The following RBMS3 variants were observed in gnomAD, a reference collection of about 807,000 sequenced individuals.
RBMS3 encodes RNA binding motif single stranded interacting protein 3.
RBMS3 carries 27 observed loss-of-function variants against 66.8 expected under a neutral mutation model. The observed-to-expected ratio is 0.40, with a 90% confidence interval of 0.30 to 0.56. The LOEUF is 0.56. RBMS3 is among the 20% of genes least tolerant of loss of function. RBMS3 has a pLI of 0.40. For synonymous variants in RBMS3, 188 were observed against 183.0 expected (o/e 1.03, Z -0.22); for missense variants, 513 against 549.5 (o/e 0.93, Z 0.66).
chr3:29,338,760 T>G (rs996591046), intron 1 of RBMS3, among the ~76,000 whole-genome samples: 5 of 148,980 alleles, frequency 3.4e-5, no homozygotes, highest in African/African-American at 7.3e-5. Context: ...ATAAATAATT[T>G]GTTATTATTA....
intron 1 of RBMS3, 77 bp from the exon 2 acceptor site, chr3:29,434,666 T>A (rs2041329906): frequency 6.5e-6 from 10 of 1,543,818 alleles, no homozygotes; most frequent in Middle Eastern, 1.8e-4. Context: ...TAGCTTACAT[T>A]GATTTCAAGT....
chr3:29,709,871 C>A (rs2053084814), intron 4 of RBMS3, among the ~76,000 whole-genome samples: 2 of 151,970 alleles, frequency 1.3e-5, no homozygotes, highest in Admixed American at 6.6e-5. Flanking sequence ...CGTTATCTTG[C>A]ACAAAAGTCT....
At chr3:29,896,623 T>G (rs931578402) in intron 8 of RBMS3, among the ~76,000 whole-genome samples, 1 of 151,536 alleles carries the variant, frequency 6.6e-6, no homozygotes, top group Non-Finnish European at 1.5e-5. Flanking sequence ...TACAGTATAG[T>G]CTGAGCAGAA....
chr3:29,970,958 C>T (rs945386458), intron 12 of RBMS3, among the ~76,000 whole-genome samples: 2 of 152,112 alleles, frequency 1.3e-5, no homozygotes, highest in African/African-American at 4.8e-5. Flanking sequence ...TCATGGGCTC[C>T]TCTCTCCTCC....
intron 4 of RBMS3, among the ~76,000 whole-genome samples, chr3:29,649,450 A>G (rs2050064376): frequency 6.6e-6 from 1 of 152,154 alleles, no homozygotes; most frequent in African/African-American, 2.4e-5. Context: ...TAAATTTTTC[A>G]CTAACAAGGC....
chr3:29,759,721 C>T (rs533398825), intron 5 of RBMS3, among the ~76,000 whole-genome samples: 3 of 149,834 alleles, frequency 2.0e-5, no homozygotes. Flanking sequence ...CCTCCCCCCC[C>T]AGAGCTTTCT....
chr3:29,608,435 AT>A (rs1450022383), intron 4 of RBMS3, among the ~76,000 whole-genome samples: 1 of 152,004 alleles, frequency 6.6e-6, no homozygotes, highest in African/African-American at 2.4e-5. Flanking sequence ...TCTTAGTTTC[AT>A]TGTGATATAA....
intron 12 of RBMS3, among the ~76,000 whole-genome samples, chr3:29,973,480 G>GT (rs1233471025): frequency 6.6e-6 from 1 of 151,842 alleles, no homozygotes; most frequent in South Asian, 2.1e-4. Context: ...AACTCAACCA[G>GT]TTTTTTCTGG....
At chr3:29,840,955 G>A (rs1392574035) in intron 6 of RBMS3, among the ~76,000 whole-genome samples, 1 of 151,870 alleles carries the variant, frequency 6.6e-6, no homozygotes, top group Admixed American at 6.6e-5. Context: ...TTCTGTAAAT[G>A]TTTAATTTCA....
In RBMS3 at chr3:29,884,375, A is replaced by G. The variant is rs17029827; in HGVS notation, c.791+167A>G. On this transcript the variant is annotated intron_variant, in intron 8 of 14. Transcript: ENST00000383767. Reference sequence around the variant, plus strand: ...TATAGTTTTTTTCATCCTATAAATTATTCTGACCTCCCATTCTCACAATGC... The same window carrying G: ...TATAGTTTTTTTCATCCTATAAATTGTTCTGACCTCCCATTCTCACAATGC... The G allele has an allele frequency of 8.3e-3, 4,435 of 535,014 alleles. 153 individuals are homozygous for G. The highest frequency in any genetic ancestry group is 0.082 in the African/African-American group (4,001 of 48,568). The allele number at this position is 535,014 out of a possible 1,614,324, so 33.1% of individuals were successfully genotyped here.
chr3:29,590,492 G>A lies in RBMS3; in HGVS notation c.399+3287G>A, dbSNP rs146752715. ...TTTTCTTTAAAATATATAATAAGTA[G>A]CATCAGTCAGCAAACATTTTTTATT... On this transcript the variant is annotated intron_variant, in intron 4 of 14. Transcript: ENST00000383767. Among the ~76,000 whole-genome samples, 338 of 152,088 alleles carry A rather than the reference G, an allele frequency of 2.2e-3. 2 individuals carry two copies. The highest frequency in any genetic ancestry group is 7.3e-3 in the African/African-American group (301 of 41,504).
At chr3:29,610,809 A>G (rs1249834335) in intron 4 of RBMS3, among the ~76,000 whole-genome samples, 1 of 152,088 alleles carries the variant, frequency 6.6e-6, no homozygotes, top group Non-Finnish European at 1.5e-5. Flanking sequence ...TACTTCTGTA[A>G]GAGAGTCATG....
intron 4 of RBMS3, among the ~76,000 whole-genome samples, chr3:29,706,200 T>C (rs926420050): frequency 5.9e-5 from 9 of 152,192 alleles, no homozygotes; most frequent in Admixed American, 6.5e-5. Flanking sequence ...ACCTTTGTCA[T>C]GAAAATCCCC....
intron 3 of RBMS3, among the ~76,000 whole-genome samples, chr3:29,536,591 G>C (rs1433821083): frequency 6.6e-6 from 1 of 152,140 alleles, no homozygotes; most frequent in South Asian, 2.1e-4. Flanking sequence ...GGCAAACTTG[G>C]AGACGTGTCA....
At chr3:29,717,136 A>T (rs901020274) in intron 4 of RBMS3, among the ~76,000 whole-genome samples, 19 of 151,920 alleles carry the variant, frequency 1.3e-4, no homozygotes, top group Admixed American at 1.1e-3. Context: ...TCACAGCCTT[A>T]GTTGCCTCCT....
At chr3:29,531,217 A>T (rs1165201305) in intron 3 of RBMS3, among the ~76,000 whole-genome samples, 4 of 152,194 alleles carry the variant, frequency 2.6e-5, no homozygotes, top group Non-Finnish European at 5.9e-5. Flanking sequence ...CATCAGCATC[A>T]CCTGGGGGCT....
intron 6 of RBMS3, among the ~76,000 whole-genome samples, chr3:29,832,955 A>T (rs1279963389): frequency 6.6e-6 from 1 of 152,166 alleles, no homozygotes; most frequent in Non-Finnish European, 1.5e-5. Flanking sequence ...ACTCTGCAAG[A>T]TTGAGAGAAG....
chr3:29,555,744 A>T (rs182598902), intron 3 of RBMS3, among the ~76,000 whole-genome samples: 27 of 152,222 alleles, frequency 1.8e-4, no homozygotes, highest in African/African-American at 6.0e-4. Context: ...TGCTCCTCCC[A>T]TCTGTGGGTT....
chr3:29,636,242 T>G (rs954595735), intron 4 of RBMS3, among the ~76,000 whole-genome samples: 2 of 151,844 alleles, frequency 1.3e-5, no homozygotes, highest in Non-Finnish European at 2.9e-5. Context: ...TAAGGGCTAT[T>G]TATTGCCACC....
Sources: gnomAD v4.1 joint callset for allele counts (sites outside exome capture counted in the v4.1 genomes callset) on GRCh38, gnomAD v4.1.1 for gene constraint, MANE v1.5 for transcripts, NCBI Gene and HGNC (gene_info 2026-07-23, HGNC 2026-07-21) for gene names.